MED13L: variants seen among roughly 807,000 people sequenced by gnomAD.
The protein encoded by MED13L is mediator complex subunit 13L.
A neutral mutation model predicts 220.9 loss-of-function variants in MED13L; 7 were observed. The ratio of observed to expected loss-of-function variants is 0.03; its 90% CI spans 0.02 to 0.06. The LOEUF (loss-of-function observed/expected upper bound fraction) is 0.06. MED13L is among the 10% of genes least tolerant of loss of function. The pLI is 1.00. For missense variants in MED13L, 1,965 were observed against 2,760.5 expected (o/e 0.71, Z 6.46); for synonymous variants, 1,011 against 1,015.2 (o/e 1.00, Z 0.08).
At chr12:116,241,341 AAC>A (rs890266083) in intron 1 of MED13L, among the ~76,000 whole-genome samples, 70 of 149,172 alleles carry the variant, frequency 4.7e-4, no homozygotes, top group African/African-American at 5.9e-4. Flanking sequence ...ACAAAAAAAA[AAC>A]ACACACACAC....
chr12:116,083,979 G>A (rs183341401), intron 4 of MED13L, among the ~76,000 whole-genome samples: 34 of 152,290 alleles, frequency 2.2e-4, no homozygotes, highest in African/African-American at 7.2e-4. Flanking sequence ...AGAGAGCTCT[G>A]AAACATGTAA....
intron 2 of MED13L, among the ~76,000 whole-genome samples, chr12:116,197,666 T>C (rs1366548460): frequency 6.6e-6 from 1 of 151,948 alleles, no homozygotes; most frequent in Non-Finnish European, 1.5e-5. Flanking sequence ...CTCGGGAGGC[T>C]GAGGCAGGAG....
chr12:116,068,027 T>C (rs1008271130), intron 4 of MED13L, among the ~76,000 whole-genome samples: 7 of 152,204 alleles, frequency 4.6e-5, no homozygotes, highest in Non-Finnish European at 8.8e-5. Flanking sequence ...GATACCACAA[T>C]TGCTGACACA....
chr12:116,216,368 T>C (rs975245181), intron 2 of MED13L, among the ~76,000 whole-genome samples: 2 of 152,138 alleles, frequency 1.3e-5, no homozygotes, highest in Non-Finnish European at 2.9e-5. Flanking sequence ...CTGGTATCTA[T>C]AGGTCACCTC....
At chr12:116,025,241 A>T (rs1349318116) in intron 4 of MED13L, among the ~76,000 whole-genome samples, 1 of 152,224 alleles carries the variant, frequency 6.6e-6, no homozygotes, top group Admixed American at 6.5e-5. Context: ...AAGTGTTGGC[A>T]AGGATGCAAA....
At chr12:116,007,908 G>C in intron 10 of MED13L, 2 of 461,072 alleles carry the variant, frequency 4.3e-6, no homozygotes, top group African/African-American at 2.0e-5. Flanking sequence ...CATGGCCCTA[G>C]TTTCTCAGTT....
chr12:116,238,893 G>A (rs1273734915), intron 1 of MED13L, among the ~76,000 whole-genome samples: 2 of 152,128 alleles, frequency 1.3e-5, no homozygotes, highest in East Asian at 1.9e-4. Flanking sequence ...TCAGGAGTTC[G>A]AGACCAGCCT....
At chr12:116,143,641 T>C (rs1266446508) in intron 2 of MED13L, among the ~76,000 whole-genome samples, 1 of 152,188 alleles carries the variant, frequency 6.6e-6, no homozygotes, top group African/African-American at 2.4e-5. Flanking sequence ...CTAAAATGTT[T>C]CCATCAAATT....
intron 1 of MED13L, among the ~76,000 whole-genome samples, chr12:116,269,462 T>A (rs2138584382): frequency 5.6e-5 from 4 of 71,898 alleles, no homozygotes; most frequent in East Asian, 3.6e-4. Flanking sequence ...AAATTTAAAC[T>A]ATGCAAAAAA....
chr12:116,131,089 C>T (rs1876029277), intron 2 of MED13L, among the ~76,000 whole-genome samples: 1 of 152,184 alleles, frequency 6.6e-6, no homozygotes, highest in Admixed American at 6.5e-5. Context: ...GAAGTTACAA[C>T]AACCAAAAAA....
Position 116,097,291 on chromosome 12 carries a change from G to A in MED13L, c.396-539C>T, listed in dbSNP as rs118096958. ...CTCCCAGGTAGCTGGGATTATGGGC[G>A]TGCACCACCATGTCTGGCTAATTTT... is the stretch of plus-strand genomic sequence containing the variant. On this transcript the variant is annotated intron_variant, in intron 3 of 30. Transcript: ENST00000281928. Among the ~76,000 whole-genome samples the A allele has an allele frequency of 1.4e-4, 21 of 152,100 alleles. No individual in the cohort carries two copies. In the East Asian group the frequency reaches 2.7e-3, roughly 20 times the overall value.
chr12:116,035,001 T>C (rs1457267260), intron 4 of MED13L, among the ~76,000 whole-genome samples: 1 of 151,964 alleles, frequency 6.6e-6, no homozygotes, highest in Admixed American at 6.6e-5. Flanking sequence ...CGAGACTGTC[T>C]CAAAAACAAA....
chr12:116,114,370 G>A (rs1874344289), intron 2 of MED13L, among the ~76,000 whole-genome samples: 1 of 152,182 alleles, frequency 6.6e-6, no homozygotes, highest in African/African-American at 2.4e-5. Context: ...CAATTAATGA[G>A]CATGCACAGG....
intron 4 of MED13L, among the ~76,000 whole-genome samples, chr12:116,067,153 A>G (rs1017632741): frequency 6.6e-6 from 1 of 152,202 alleles, no homozygotes; most frequent in African/African-American, 2.4e-5. Flanking sequence ...TAAACAGAGA[A>G]TATGAAATAT....
chr12:116,213,496 C>A (rs548858083), intron 2 of MED13L, among the ~76,000 whole-genome samples: 62 of 152,336 alleles, frequency 4.1e-4, no homozygotes, highest in Middle Eastern at 3.4e-3. Flanking sequence ...ACTGCAACCT[C>A]TGCCTCCAGG....
chr12:115,981,713 A>C (rs1009696910), intron 22 of MED13L, among the ~76,000 whole-genome samples: 1 of 152,204 alleles, frequency 6.6e-6, no homozygotes, highest in Non-Finnish European at 1.5e-5. Context: ...TATAGGAATG[A>C]CTATGGAAAA....
At chr12:116,215,464 A>G (rs1882936470) in intron 2 of MED13L, among the ~76,000 whole-genome samples, 1 of 152,200 alleles carries the variant, frequency 6.6e-6, no homozygotes, top group Non-Finnish European at 1.5e-5. Context: ...CTTATAGCTG[A>G]TATCTTATAA....
chr12:116,218,525 T>A (rs1384177858), intron 2 of MED13L, among the ~76,000 whole-genome samples: 1 of 152,076 alleles, frequency 6.6e-6, no homozygotes, highest in Non-Finnish European at 1.5e-5. Context: ...TCTGGCATTC[T>A]CCAGAAATTC....
intron 2 of MED13L, among the ~76,000 whole-genome samples, chr12:116,199,855 A>G (rs750516512): frequency 1.6e-4 from 24 of 152,194 alleles, no homozygotes; most frequent in Non-Finnish European, 3.5e-4. Context: ...TTTATACACT[A>G]AAGAGCATCA....
Sources: allele counts gnomAD v4.1 joint callset (sites outside exome capture counted in the v4.1 genomes callset), GRCh38; gene constraint gnomAD v4.1.1; transcripts MANE v1.5; gene names NCBI Gene and HGNC (gene_info 2026-07-23, HGNC 2026-07-21).